STK32B: variants seen among roughly 807,000 people sequenced by gnomAD.
STK32B encodes the protein serine/threonine-protein kinase 32B.
STK32B carries 43 observed loss-of-function variants against 52.6 expected under a neutral mutation model. The ratio of observed to expected loss-of-function variants is 0.82; its 90% CI spans 0.64 to 1.05. STK32B has a LOEUF of 1.05. Ranked by LOEUF, STK32B falls within the 50% of genes least tolerant of loss-of-function variation. The probability of loss-of-function intolerance (pLI) is 0.00; values close to 1 mark genes in which losing one functional copy is unlikely to be tolerated. For synonymous variants in STK32B, 238 were observed against 204.3 expected, an observed-to-expected ratio of 1.17 and a Z score of -1.41; for missense variants, 621 against 534.6, an observed-to-expected ratio of 1.16 and a Z score of -1.59.
chr4:5,484,839 C>T (rs1250580125), intron 11 of STK32B, among the ~76,000 whole-genome samples: 1 of 152,162 alleles, frequency 6.6e-6, no homozygotes, highest in African/African-American at 2.4e-5. Context: ...ATTTCTCCTT[C>T]ACTTATGAAG....
chr4:5,037,735 G>T, the STK32B span, among the ~76,000 whole-genome samples: 39 of 152,198 alleles, frequency 2.6e-4, no homozygotes, highest in African/African-American at 9.4e-4. Context: ...ACACACTGAA[G>T]ACTCAAAGAT....
chr4:5,124,557 CA>C (rs892264630), intron 1 of STK32B, among the ~76,000 whole-genome samples: 3 of 152,094 alleles, frequency 2.0e-5, no homozygotes, highest in East Asian at 3.9e-4. Flanking sequence ...AAAGGAAATA[CA>C]AAAAAACAGA....
chr4:5,176,958 A>G (rs557645661), intron 3 of STK32B, among the ~76,000 whole-genome samples: 1 of 152,270 alleles, frequency 6.6e-6, no homozygotes, highest in East Asian at 1.9e-4. Context: ...CTGGGCCTCA[A>G]CTTCCTCACT....
chr4:5,385,373 G>A (rs774169845), intron 4 of STK32B, among the ~76,000 whole-genome samples: 3 of 151,716 alleles, frequency 2.0e-5, no homozygotes, highest in Non-Finnish European at 4.4e-5. Context: ...GAGTGGCTTC[G>A]AAGCCCCGTG....
the STK32B span, among the ~76,000 whole-genome samples, chr4:5,029,947 T>C: frequency 1.3e-5 from 2 of 151,984 alleles, no homozygotes; most frequent in Admixed American, 6.5e-5. Context: ...TGAGTTTTCA[T>C]GAGATCTGAT....
chr4:5,428,380 C>T (rs4689224), intron 6 of STK32B, among the ~76,000 whole-genome samples: 24,016 of 151,916 alleles, frequency 0.16, 2,599 homozygotes, highest in East Asian at 0.41. Flanking sequence ...TGCACTCTAG[C>T]CTGGGCAACA....
intron 3 of STK32B, among the ~76,000 whole-genome samples, chr4:5,324,484 G>T (rs1308714681): frequency 6.6e-6 from 1 of 152,166 alleles, no homozygotes; most frequent in Admixed American, 6.5e-5. Context: ...GTTAGGGAAG[G>T]CTTCTTAAAG....
chr4:5,079,210 A>C (rs55952359), intron 1 of STK32B, among the ~76,000 whole-genome samples: 2,691 of 152,300 alleles, frequency 0.018, 31 homozygotes, highest in Non-Finnish European at 0.026. Flanking sequence ...TTATTTAACT[A>C]TATTCCTATT....
the STK32B span, among the ~76,000 whole-genome samples, chr4:5,029,641 C>A: frequency 1.3e-5 from 2 of 152,160 alleles, no homozygotes; most frequent in Non-Finnish European, 2.9e-5. Context: ...ACGGCTCCTG[C>A]AGACGAACCC....
At chr4:5,475,137 T>C (rs1208974496) in intron 11 of STK32B, among the ~76,000 whole-genome samples, 1 of 152,096 alleles carries the variant, frequency 6.6e-6, no homozygotes, top group Admixed American at 6.5e-5. Flanking sequence ...GTTTAAAAAG[T>C]GTGGCCAGGC....
intron 1 of STK32B, among the ~76,000 whole-genome samples, chr4:5,126,258 T>C (rs1282132720): frequency 1.3e-5 from 2 of 152,240 alleles, no homozygotes; most frequent in African/African-American, 4.8e-5. Context: ...GGATAGTCCT[T>C]GTGCCCTTTA....
chr4:5,255,377 T>C (rs533027822), intron 3 of STK32B, among the ~76,000 whole-genome samples: 2 of 152,218 alleles, frequency 1.3e-5, no homozygotes, highest in Non-Finnish European at 2.9e-5. Flanking sequence ...ATCACAACCA[T>C]TTGATTTTCT....
intron 1 of STK32B, among the ~76,000 whole-genome samples, chr4:5,080,140 C>T (rs1417027915): frequency 2.0e-5 from 3 of 152,098 alleles, no homozygotes; most frequent in African/African-American, 7.2e-5. Flanking sequence ...TCATGTTACT[C>T]CAGTGCACAG....
chr4:5,291,629 T>C (rs1033205420), intron 3 of STK32B, among the ~76,000 whole-genome samples: 1 of 152,144 alleles, frequency 6.6e-6, no homozygotes, highest in Admixed American at 6.5e-5. Context: ...CTAATCTAGA[T>C]GGCTTTTATT....
chr4:5,489,966 G>A (rs1050986576), intron 11 of STK32B, among the ~76,000 whole-genome samples: 1 of 152,042 alleles, frequency 6.6e-6, no homozygotes, highest in African/African-American at 2.4e-5. Context: ...TACAAATGAA[G>A]ATCTTGTAGT....
chr4:5,189,149 G>T (rs538379651), intron 3 of STK32B, among the ~76,000 whole-genome samples: 4 of 152,246 alleles, frequency 2.6e-5, no homozygotes, highest in African/African-American at 9.6e-5. Flanking sequence ...TGAACCTACG[G>T]TGGCACATCA....
chr4:5,311,914 A>ATATT (rs143725868), intron 3 of STK32B, among the ~76,000 whole-genome samples: 3 of 145,410 alleles, frequency 2.1e-5, no homozygotes, highest in African/African-American at 7.8e-5. Flanking sequence ...ATATATATAT[A>ATATT]TTTTTTTTTA....
At chr4:5,242,029 A>G (rs1040179202) in intron 3 of STK32B, among the ~76,000 whole-genome samples, 2 of 152,014 alleles carry the variant, frequency 1.3e-5, no homozygotes, top group African/African-American at 2.4e-5. Flanking sequence ...CAGTGCCACA[A>G]TAAACATACA....
chr4:5,365,087 G>C (rs888648800), intron 4 of STK32B, among the ~76,000 whole-genome samples: 1 of 151,990 alleles, frequency 6.6e-6, no homozygotes, highest in Non-Finnish European at 1.5e-5. Flanking sequence ...TGTTGGCCTG[G>C]CTGGTCTCAA....
Sources: allele counts gnomAD v4.1 joint callset (sites outside exome capture counted in the v4.1 genomes callset), GRCh38; gene constraint gnomAD v4.1.1; transcripts MANE v1.5; gene names NCBI Gene and HGNC (gene_info 2026-07-23, HGNC 2026-07-21).